CHSY3: variants seen among roughly 807,000 people sequenced by gnomAD.
CHSY3 encodes N-acetylgalactosaminyl-proteoglycan 3-beta-glucuronosyltransferase 3.
CHSY3 carries 35 observed loss-of-function variants against 67.2 expected under a neutral mutation model. The ratio of observed to expected loss-of-function variants is 0.52; its 90% CI spans 0.40 to 0.69. The LOEUF is 0.69. Ranked by LOEUF, CHSY3 falls within the 30% of genes least tolerant of loss-of-function variation. The pLI is 0.00. For missense variants in CHSY3, 1,069 were observed against 1,138.5 expected (o/e 0.94, Z 0.88); for synonymous variants, 474 against 434.7 (o/e 1.09, Z -1.12).
intron 2 of CHSY3, among the ~76,000 whole-genome samples, chr5:130,078,667 A>G (rs1366703005): frequency 2.0e-5 from 3 of 152,156 alleles, no homozygotes; most frequent in Non-Finnish European, 4.4e-5. Context: ...CCATTTGGAC[A>G]TAGGATGCAT....
chr5:129,909,042 T>G (rs752629748), intron 2 of CHSY3, among the ~76,000 whole-genome samples: 1 of 152,174 alleles, frequency 6.6e-6, no homozygotes, highest in African/African-American at 2.4e-5. Context: ...TCTATTCTTA[T>G]GCTATTTTCT....
intron 2 of CHSY3, among the ~76,000 whole-genome samples, chr5:129,950,537 A>G (rs1761995033): frequency 6.6e-6 from 1 of 152,226 alleles, no homozygotes; most frequent in Non-Finnish European, 1.5e-5. Context: ...AGACTCCACC[A>G]AAATACTGTT....
intron 2 of CHSY3, among the ~76,000 whole-genome samples, chr5:130,020,671 A>C (rs1449382569): frequency 6.6e-6 from 1 of 151,826 alleles, no homozygotes. Context: ...CCAGACATTC[A>C]GAATCAGAGG....
At chr5:130,083,534 A>G (rs1289481259) in intron 2 of CHSY3, among the ~76,000 whole-genome samples, 1 of 152,076 alleles carries the variant, frequency 6.6e-6, no homozygotes, top group Non-Finnish European at 1.5e-5. Context: ...ATGACAAGAA[A>G]AATATTAAAA....
At chr5:129,947,838 T>C (rs2149599032) in intron 2 of CHSY3, among the ~76,000 whole-genome samples, 1 of 152,358 alleles carries the variant, frequency 6.6e-6, no homozygotes, top group Non-Finnish European at 1.5e-5. Flanking sequence ...CTTGTGGTTT[T>C]GATTTGCATT....
chr5:130,156,097 C>T (rs1769368967), intron 2 of CHSY3, among the ~76,000 whole-genome samples: 1 of 152,174 alleles, frequency 6.6e-6, no homozygotes, highest in Admixed American at 6.5e-5. Context: ...TCATAGTATA[C>T]ACTACCTGGA....
Position 130,108,705 on chromosome 5 carries a change from T to TA in CHSY3, c.1087-75517dup, listed in dbSNP as rs760889537. On this transcript the variant is annotated intron_variant, in intron 2 of 2. Coordinates refer to ENST00000305031, the MANE Select transcript of CHSY3 (RefSeq NM_175856.5). ...AATGTGATAAAGTTTTTACAGCATT[T>TA]AAAAAAATGACTGCATTCACACTTA... 3.4e-4 allele frequency among the ~76,000 whole-genome samples: 51 copies of TA among 151,664 alleles called. 1 individual carries two copies. The highest frequency in any genetic ancestry group is 3.0e-4 in the Non-Finnish European group (20 of 67,672).
intron 2 of CHSY3, among the ~76,000 whole-genome samples, chr5:130,166,722 A>AT (rs1234574543): frequency 6.6e-6 from 1 of 152,072 alleles, no homozygotes; most frequent in East Asian, 1.9e-4. Flanking sequence ...TGCCATGCTT[A>AT]TGTTATTTTA....
intron 2 of CHSY3, among the ~76,000 whole-genome samples, chr5:129,951,688 C>T (rs1200889418): frequency 6.6e-6 from 1 of 152,086 alleles, no homozygotes; most frequent in Non-Finnish European, 1.5e-5. Context: ...TCCATGTGGA[C>T]CCTGAAGAGA....
At chr5:130,102,676 A>G (rs1166256539) in intron 2 of CHSY3, among the ~76,000 whole-genome samples, 1 of 152,122 alleles carries the variant, frequency 6.6e-6, no homozygotes, top group East Asian at 1.9e-4. Context: ...GGATGAGAAA[A>G]TGTTGATAAC....
intron 2 of CHSY3, among the ~76,000 whole-genome samples, chr5:130,012,297 C>A (rs543389848): frequency 6.6e-6 from 1 of 152,118 alleles, no homozygotes; most frequent in African/African-American, 2.4e-5. Context: ...AGCTGCACAC[C>A]TACAAGCATC....
chr5:130,008,069 C>T (rs553979364), intron 2 of CHSY3, among the ~76,000 whole-genome samples: 3 of 152,340 alleles, frequency 2.0e-5, no homozygotes, highest in African/African-American at 7.2e-5. Context: ...TCTGCAGCAT[C>T]GCCCACCAGT....
intron 2 of CHSY3, among the ~76,000 whole-genome samples, chr5:129,972,564 A>G (rs1762673440): frequency 6.6e-6 from 1 of 151,792 alleles, no homozygotes; most frequent in Non-Finnish European, 1.5e-5. Context: ...TCTCCAAGAA[A>G]TCTGCATCAT....
At chr5:130,179,485 AT>A (rs1384060284) in intron 2 of CHSY3, among the ~76,000 whole-genome samples, 6 of 151,336 alleles carry the variant, frequency 4.0e-5, no homozygotes, top group Non-Finnish European at 8.8e-5. Flanking sequence ...CACAGTGCCT[AT>A]TTTTTTCTGA....
At chr5:130,141,890 C>A in intron 2 of CHSY3, 1 of 246,842 alleles carries the variant, frequency 4.1e-6, no homozygotes, top group South Asian at 4.6e-5. Context: ...GGGGGATTCC[C>A]TGATGGTGGA....
chr5:129,998,469 C>T (rs1763615251), intron 2 of CHSY3, among the ~76,000 whole-genome samples: 1 of 152,040 alleles, frequency 6.6e-6, no homozygotes, highest in Admixed American at 6.6e-5. Flanking sequence ...AATTTTTATA[C>T]ATACATTTAT....
At chr5:129,996,434 C>T (rs117340346) in intron 2 of CHSY3, among the ~76,000 whole-genome samples, 300 of 152,246 alleles carry the variant, frequency 2.0e-3, no homozygotes, top group Non-Finnish European at 3.1e-3. Context: ...CCTCTCAGAA[C>T]CCTGAAGTTA....
At chr5:130,029,224 A>G (rs1764641780) in intron 2 of CHSY3, among the ~76,000 whole-genome samples, 1 of 152,144 alleles carries the variant, frequency 6.6e-6, no homozygotes, top group Non-Finnish European at 1.5e-5. Context: ...CTCAAAGGGA[A>G]TTGTGTGTGA....
chr5:129,986,427 C>T (rs1763203288), intron 2 of CHSY3, among the ~76,000 whole-genome samples: 1 of 152,040 alleles, frequency 6.6e-6, no homozygotes, highest in African/African-American at 2.4e-5. Flanking sequence ...ATTCTATTTG[C>T]AATTACTTGT....
Sources: gnomAD v4.1 joint callset for allele counts (sites outside exome capture counted in the v4.1 genomes callset) on GRCh38, gnomAD v4.1.1 for gene constraint, MANE v1.5 for transcripts, NCBI Gene and HGNC (gene_info 2026-07-23, HGNC 2026-07-21) for gene names.